The following CPNE4 variants were observed in gnomAD, a reference collection of about 807,000 sequenced individuals.
The protein encoded by CPNE4 is copine-4.
CPNE4 carries 25 observed loss-of-function variants against 67.9 expected under a neutral mutation model. That is an observed-to-expected ratio of 0.37 (90% confidence interval 0.27 to 0.51). The LOEUF (loss-of-function observed/expected upper bound fraction) is 0.51. CPNE4 is among the 20% of genes least tolerant of loss of function. The probability of loss-of-function intolerance (pLI) is 0.93; values close to 1 mark genes in which losing one functional copy is unlikely to be tolerated. For synonymous variants in CPNE4, 242 were observed against 244.9 expected (o/e 0.99, Z 0.11); for missense variants, 464 against 690.8 (o/e 0.67, Z 3.68).
At chr3:131,764,483 T>A (rs1305420177) in intron 2 of CPNE4, among the ~76,000 whole-genome samples, 1 of 152,114 alleles carries the variant, frequency 6.6e-6, no homozygotes, top group African/African-American at 2.4e-5. Context: ...GAAGTCTGAA[T>A]ATGAAAAATA....
intron 10 of CPNE4, among the ~76,000 whole-genome samples, chr3:131,569,037 A>G (rs1035743708): frequency 2.6e-5 from 4 of 152,022 alleles, no homozygotes; most frequent in African/African-American, 7.2e-5. Context: ...AAATAATGTT[A>G]CATTTTTATT....
intron 7 of CPNE4, among the ~76,000 whole-genome samples, chr3:131,638,498 C>A (rs531994578): frequency 6.6e-6 from 1 of 152,286 alleles, no homozygotes; most frequent in African/African-American, 2.4e-5. Context: ...ATGCACCTAA[C>A]ACTGGAGCTC....
intron 7 of CPNE4, among the ~76,000 whole-genome samples, chr3:131,661,566 T>C (rs1319633816): frequency 1.3e-5 from 2 of 152,194 alleles, no homozygotes; most frequent in Non-Finnish European, 2.9e-5. Context: ...CAAGAATTCC[T>C]GTGCTATAGC....
intron 2 of CPNE4, among the ~76,000 whole-genome samples, chr3:131,849,669 C>T (rs1476357266): frequency 6.6e-6 from 1 of 152,064 alleles, no homozygotes; most frequent in African/African-American, 2.4e-5. Context: ...CCTTAAGAGT[C>T]CTTGTTTGAT....
At chr3:131,851,123 C>T (rs2086226231) in intron 2 of CPNE4, among the ~76,000 whole-genome samples, 1 of 151,838 alleles carries the variant, frequency 6.6e-6, no homozygotes, top group South Asian at 2.1e-4. Context: ...TTTTAGATTC[C>T]ATTAGGTACA....
At chr3:131,877,922 C>A (rs1475971103) in intron 2 of CPNE4, among the ~76,000 whole-genome samples, 1 of 152,122 alleles carries the variant, frequency 6.6e-6, no homozygotes. Flanking sequence ...AGATTAAAAT[C>A]CCATTGAGAC....
At chr3:131,922,047 T>A (rs1428760419) in intron 1 of CPNE4, among the ~76,000 whole-genome samples, 1 of 152,196 alleles carries the variant, frequency 6.6e-6, no homozygotes, top group Admixed American at 6.5e-5. Context: ...ATTCTGAGCA[T>A]AGTACTTAAT....
intron 11 of CPNE4, among the ~76,000 whole-genome samples, chr3:131,560,542 T>C (rs1175069580): frequency 6.6e-6 from 1 of 152,052 alleles, no homozygotes. Context: ...CCCTTCCCTC[T>C]TTTATACAGT....
chr3:131,918,832 T>G (rs876424), intron 1 of CPNE4, among the ~76,000 whole-genome samples: 60,412 of 152,062 alleles, frequency 0.4, 12,498 homozygotes, highest in African/African-American at 0.52. Flanking sequence ...CAAAAACACA[T>G]TAGAAGACAC....
At chr3:131,906,796 T>C in intron 1 of CPNE4, among the ~76,000 whole-genome samples, 1 of 151,740 alleles carries the variant, frequency 6.6e-6, no homozygotes, top group South Asian at 2.1e-4. Context: ...TCAAATGGTA[T>C]TTCCAGTTCT....
intron 8 of CPNE4, 132 bp from the exon 9 acceptor site, chr3:131,581,797 T>C: frequency 4.5e-6 from 3 of 670,896 alleles, no homozygotes; most frequent in Non-Finnish European, 8.1e-6. Context: ...TGGTAACTCT[T>C]GCATCTAGAG....
intron 1 of CPNE4, among the ~76,000 whole-genome samples, chr3:132,033,909 C>T (rs2074293801): frequency 6.6e-6 from 1 of 152,196 alleles, no homozygotes; most frequent in Non-Finnish European, 1.5e-5. Flanking sequence ...GTGGTCCCTC[C>T]AGTCCCGTCC....
chr3:131,832,352 GGA>G (rs1392479199), intron 2 of CPNE4, among the ~76,000 whole-genome samples: 2 of 152,158 alleles, frequency 1.3e-5, no homozygotes, highest in Non-Finnish European at 2.9e-5. Flanking sequence ...TGAACACAAA[GGA>G]GAGTCAGAGA....
At chr3:131,584,217 C>T (rs1053376697) in intron 8 of CPNE4, among the ~76,000 whole-genome samples, 1 of 152,078 alleles carries the variant, frequency 6.6e-6, no homozygotes, top group African/African-American at 2.4e-5. Flanking sequence ...GTCCCCTCTC[C>T]CTAGGTGTAC....
intron 2 of CPNE4, among the ~76,000 whole-genome samples, chr3:131,833,975 A>G (rs920301303): frequency 1.3e-5 from 2 of 152,238 alleles, no homozygotes; most frequent in Admixed American, 1.3e-4. Flanking sequence ...TAGCTATTAA[A>G]GTGGTTAGTT....
At position 131,699,963 on chromosome 3, in the gene CPNE4, C is replaced by A. The variant is rs1396525550; in HGVS notation, c.378G>T (p.Lys126Asn). The A allele has an allele frequency of 2.5e-6, 4 of 1,606,242 alleles. No homozygotes were observed. Among genetic ancestry groups the A allele is most frequent in the East Asian group, 2.2e-5 (1 of 44,712 alleles). ...CATGCTTCAGCAAGGATTTGGACAG[C>A]TTTCTCTGGGAAACAATCTGCAAAA... ...CTLGQIVSQRKLSKSLLKHGN... is the reference protein window; with the variant it reads ...CTLGQIVSQRNLSKSLLKHGN... The change falls in exon 4 of 16, where the codon AAG (lysine) becomes AAT (asparagine). Residue 126 changes from lysine (K) to asparagine (N), a missense_variant. By Grantham distance (94) the Lys-to-Asn change is moderately conservative. Transcript: ENST00000429747.
intron 7 of CPNE4, among the ~76,000 whole-genome samples, chr3:131,593,768 G>A (rs1476957292): frequency 6.6e-6 from 1 of 152,078 alleles, no homozygotes. Context: ...CTGGAGTGCA[G>A]TGGCATGATC....
chr3:131,699,868 C>G lies in CPNE4; in HGVS notation c.432+41G>C, dbSNP rs200490520. 17 of 1,571,778 alleles carry G rather than the reference C, an allele frequency of 1.1e-5. No individual in the cohort carries two copies. In the East Asian group the frequency reaches 3.2e-4, roughly 29 times the overall value. ...TTGGGCTGGCCAGTCCGCCCAGGCT[C>G]TCCACTCAGGCAGACAGCTGCTTAG... On this transcript the variant is annotated intron_variant, in intron 4 of 15. Transcript: ENST00000429747.
intron 2 of CPNE4, among the ~76,000 whole-genome samples, chr3:131,761,113 T>G (rs1481927422): frequency 6.6e-6 from 1 of 150,708 alleles, no homozygotes; most frequent in Non-Finnish European, 1.5e-5. Flanking sequence ...CTTTTTCCCC[T>G]CAAGAGGGAG....
Sources: gnomAD v4.1 joint callset for allele counts (sites outside exome capture counted in the v4.1 genomes callset) on GRCh38, gnomAD v4.1.1 for gene constraint, MANE v1.5 for transcripts, NCBI Gene and HGNC (gene_info 2026-07-23, HGNC 2026-07-21) for gene names.